The following SPATA13 variants were observed in gnomAD, a reference collection of about 807,000 sequenced individuals.
The protein encoded by SPATA13 is spermatogenesis associated 13, also known as spermatogenesis-associated protein 13.
Under a neutral mutation model 104.0 loss-of-function variants are expected in SPATA13, and 50 were observed. The ratio of observed to expected loss-of-function variants is 0.48; its 90% CI spans 0.38 to 0.61. The LOEUF (loss-of-function observed/expected upper bound fraction) is 0.61. Among genes scored for constraint, SPATA13 ranks in the 20% least tolerant of loss-of-function variants. The pLI is 0.00. For missense variants in SPATA13, 1,524 were observed against 1,690.6 expected (o/e 0.90, Z 1.73); for synonymous variants, 606 against 667.5 (o/e 0.91, Z 1.42).
chr13:24,004,538 G>T (rs1876130502), intron 2 of SPATA13, among the ~76,000 whole-genome samples: 1 of 152,178 alleles, frequency 6.6e-6, no homozygotes, highest in Non-Finnish European at 1.5e-5. Flanking sequence ...CTCAGGGAGG[G>T]TAGGGCTGCC....
At chr13:24,033,155 C>T (rs1877541778) in intron 3 of SPATA13, among the ~76,000 whole-genome samples, 1 of 152,328 alleles carries the variant, frequency 6.6e-6, no homozygotes, top group East Asian at 1.9e-4. Flanking sequence ...GTTTGAGTAT[C>T]ATTTGAAAGC....
intron 3 of SPATA13, among the ~76,000 whole-genome samples, chr13:24,137,775 C>G (rs1178417829): frequency 1.3e-5 from 2 of 152,106 alleles, no homozygotes; most frequent in Non-Finnish European, 2.9e-5. Context: ...TCCAAAAAAA[C>G]CCAAAAGTAA....
intron 3 of SPATA13, among the ~76,000 whole-genome samples, chr13:24,085,340 T>A (rs1879683286): frequency 6.6e-6 from 1 of 152,198 alleles, no homozygotes; most frequent in Non-Finnish European, 1.5e-5. Context: ...TTAGCCTGGC[T>A]AGTCTCTGAT....
At chr13:24,272,244 C>T (rs887988856) in intron 4 of SPATA13, among the ~76,000 whole-genome samples, 2 of 152,054 alleles carry the variant, frequency 1.3e-5, no homozygotes, top group East Asian at 1.9e-4. Flanking sequence ...CAGGGGAGGC[C>T]GAGGGAAGCC....
intron 3 of SPATA13, 129 bp from the exon 4 acceptor site, chr13:24,251,589 C>T (rs1057081610): frequency 1.3e-4 from 192 of 1,507,654 alleles, no homozygotes; most frequent in Non-Finnish European, 1.6e-4. Context: ...GCCTGCAACT[C>T]GTGGCAGGAT....
At position 24,223,733 on chromosome 13, in the gene SPATA13, G is replaced by C; in HGVS notation, c.804G>C (p.Arg268=). ...LAFLKKSSFK[R]KSTSNLADLR... ...TTCTGAAGAAGAGCTCCTTTAAGCG[G>C]AAGTCCACCTCCAATCTTGCAGACC... Residue 268 remains arginine (R), a synonymous_variant, in exon 2 of 13, where the codon CGG becomes CGC. Coordinates refer to ENST00000382108, the MANE Select transcript of SPATA13 (RefSeq NM_001166271.3). 6.4e-7 allele frequency: 1 copy of C among 1,552,048 alleles called. No homozygotes were observed. The highest frequency in any genetic ancestry group is 8.7e-7 in the Non-Finnish European group (1 of 1,147,060).
intron 3 of SPATA13, chr13:24,121,991 C>A: frequency 9.8e-7 from 1 of 1,021,396 alleles, no homozygotes. Flanking sequence ...ATAACATGAA[C>A]CACTTCTGGA....
At chr13:24,177,058 C>G (rs1197226393) in intron 1 of SPATA13, among the ~76,000 whole-genome samples, 1 of 152,124 alleles carries the variant, frequency 6.6e-6, no homozygotes, top group African/African-American at 2.4e-5. Flanking sequence ...AGCTGCCGCA[C>G]CCAGCCTGTA....
chr13:24,069,894 G>A (rs777465675), intron 3 of SPATA13, among the ~76,000 whole-genome samples: 3 of 152,202 alleles, frequency 2.0e-5, no homozygotes, highest in Non-Finnish European at 2.9e-5. Flanking sequence ...ACCCCAAAAG[G>A]TGACCAACAC....
rs370389275 is a variant in SPATA13 at position 24,026,891 on chromosome 13, C to T, written c.-112+9190C>T. On this transcript the variant is annotated intron_variant, in intron 3 of 14. Transcript: ENST00000424834. ...TGTTGGGATTACAGGCGTGAGCCAC[C>T]ACACCTGGCCAACTGCTGTTTATTT... is the stretch of plus-strand genomic sequence containing the variant. Among the ~76,000 whole-genome samples the T allele has an allele frequency of 2.2e-4, 33 of 152,264 alleles. No homozygotes were observed. In the East Asian group the frequency reaches 3.3e-3, roughly 15 times the overall value.
intron 2 of SPATA13, among the ~76,000 whole-genome samples, chr13:23,990,445 T>G (rs1288535052): frequency 2.0e-5 from 3 of 152,160 alleles, no homozygotes; most frequent in Non-Finnish European, 4.4e-5. Flanking sequence ...ATTTCTCAAT[T>G]CCTTAAACTC....
At chr13:24,246,167 G>A (rs1325357966) in intron 2 of SPATA13, among the ~76,000 whole-genome samples, 1 of 152,152 alleles carries the variant, frequency 6.6e-6, no homozygotes, top group Non-Finnish European at 1.5e-5. Flanking sequence ...GTGAGCAGGT[G>A]GACAGTTCCC....
intron 1 of SPATA13, among the ~76,000 whole-genome samples, chr13:24,222,387 G>A (rs951352400): frequency 6.6e-6 from 1 of 152,208 alleles, no homozygotes; most frequent in East Asian, 1.9e-4. Flanking sequence ...TTGAGTATTC[G>A]GTATGTTGGA....
intron 1 of SPATA13, among the ~76,000 whole-genome samples, chr13:24,215,057 C>T (rs1566154386): frequency 6.6e-6 from 1 of 152,148 alleles, no homozygotes; most frequent in Non-Finnish European, 1.5e-5. Flanking sequence ...CACAGCGTCT[C>T]CCTGAGGACG....
intron 3 of SPATA13, among the ~76,000 whole-genome samples, chr13:24,110,300 T>A (rs1880596677): frequency 6.6e-6 from 1 of 151,912 alleles, no homozygotes; most frequent in Non-Finnish European, 1.5e-5. Flanking sequence ...GAGGGGAGGA[T>A]GGCTCTACCT....
chr13:24,199,666 G>A (rs543020599), intron 1 of SPATA13, among the ~76,000 whole-genome samples: 20 of 152,250 alleles, frequency 1.3e-4, no homozygotes, highest in African/African-American at 3.6e-4. Flanking sequence ...AAAAACTTGC[G>A]TCTTGTGATC....
intron 3 of SPATA13, among the ~76,000 whole-genome samples, chr13:24,094,116 A>G (rs1481623715): frequency 6.6e-6 from 1 of 152,222 alleles, no homozygotes; most frequent in Non-Finnish European, 1.5e-5. Context: ...GGAGAAGAGC[A>G]TGAACAGGTT....
intron 3 of SPATA13, among the ~76,000 whole-genome samples, chr13:24,127,595 T>G (rs1389340520): frequency 6.6e-6 from 1 of 152,206 alleles, no homozygotes; most frequent in Non-Finnish European, 1.5e-5. Flanking sequence ...GATGAGTCAT[T>G]CAAGTTCAGT....
At chr13:23,986,927 A>G (rs770572138) in intron 2 of SPATA13, among the ~76,000 whole-genome samples, 41 of 151,776 alleles carry the variant, frequency 2.7e-4, no homozygotes, top group Non-Finnish European at 5.2e-4. Flanking sequence ...GTGAAGCACA[A>G]TCACCTACCA....
Sources: gnomAD v4.1 joint callset for allele counts (sites outside exome capture counted in the v4.1 genomes callset) on GRCh38, gnomAD v4.1.1 for gene constraint, MANE v1.5 for transcripts, NCBI Gene and HGNC (gene_info 2026-07-23, HGNC 2026-07-21) for gene names.